Variants in PPHLN1 observed in about 807,000 individuals in gnomAD.
PPHLN1 encodes periphilin-1.
PPHLN1 carries 29 observed loss-of-function variants against 51.3 expected under a neutral mutation model. That is an observed-to-expected ratio of 0.57 (90% CI 0.42 to 0.77). The LOEUF is 0.77. PPHLN1 is among the 30% of genes least tolerant of loss of function. The pLI, the probability that PPHLN1 is intolerant of heterozygous loss-of-function variation, is 0.00. For synonymous variants in PPHLN1, 147 were observed against 147.8 expected (o/e 0.99, Z 0.04); for missense variants, 436 against 438.4 (o/e 0.99, Z 0.05).
chr12:42,397,551 G>A (rs940848141), intron 8 of PPHLN1, among the ~76,000 whole-genome samples: 2 of 129,242 alleles, frequency 1.5e-5, no homozygotes, highest in African/African-American at 2.8e-5. Context: ...TTGTGTATAG[G>A]CCTATGTCTT....
intron 9 of PPHLN1, chr12:42,433,328 A>G (rs952052704): frequency 8.1e-5 from 46 of 568,750 alleles, no homozygotes; most frequent in Middle Eastern, 3.3e-4. Context: ...CTGGTTGCCA[A>G]TTATTTTCAA....
At chr12:42,446,049 A>G (rs1464466716), downstream of PPHLN1, 1 of 1,549,708 alleles carries the variant, frequency 6.5e-7, no homozygotes, top group Admixed American at 2.0e-5. Context: ...CCAGAAATGA[A>G]GGAAACGACC....
At chr12:42,387,392 A>G (rs780477091) in intron 6 of PPHLN1, 64 bp from the exon 7 acceptor site, 1 of 1,528,548 alleles carries the variant, frequency 6.5e-7, no homozygotes, top group Admixed American at 2.1e-5. Context: ...ATTCCATTAC[A>G]AAATTACTTT....
chr12:42,328,790 A>G (rs1328165768), intron 1 of PPHLN1, among the ~76,000 whole-genome samples: 2 of 151,994 alleles, frequency 1.3e-5, no homozygotes, highest in African/African-American at 2.4e-5. Flanking sequence ...GCTCACTGCA[A>G]CCTCCATCTC....
At chr12:42,395,572 C>T (rs147906221) in intron 8 of PPHLN1, among the ~76,000 whole-genome samples, 69 of 151,976 alleles carry the variant, frequency 4.5e-4, no homozygotes, top group African/African-American at 1.2e-3. Flanking sequence ...TTCAGTGGTC[C>T]GTGCTTTTTG....
chr12:42,429,621 G>A (rs778724030), intron 9 of PPHLN1, among the ~76,000 whole-genome samples: 1 of 152,164 alleles, frequency 6.6e-6, no homozygotes, highest in African/African-American at 2.4e-5. Context: ...TATTTTTAAT[G>A]TGTTGGTCTT....
rs1421107612 is a variant in PPHLN1, at chr12:42,398,892, G to A, written c.807G>A (p.Glu269=). 5 of 1,614,050 alleles carry A rather than the reference G, an allele frequency of 3.1e-6. No individual in the cohort carries two copies. The highest frequency in any genetic ancestry group is 3.3e-5 in the Admixed American group (2 of 60,022). The part of the protein sequence containing the change: ...STAPLFTDQP[E]EPESNTTHGI... ...CACCATTGTTTACTGACCAGCCAGA[G>A]GAACCTGAGTCAAACACAACACATG... The change falls in exon 9 of 10, where the codon GAG becomes GAA. Residue 269 remains glutamate, a synonymous_variant. Coordinates refer to ENST00000358314, the MANE Select transcript of PPHLN1 (RefSeq NM_201439.2).
chr12:42,443,732 A>G (rs1288323739), downstream of PPHLN1: 1 of 152,224 alleles, frequency 6.6e-6, no homozygotes, highest in Non-Finnish European at 1.5e-5. Context: ...CTTACAAGCT[A>G]TCAATGCTAA....
chr12:42,426,947 C>T (rs956947000), intron 9 of PPHLN1, among the ~76,000 whole-genome samples: 4 of 152,150 alleles, frequency 2.6e-5, no homozygotes, highest in South Asian at 4.1e-4. Context: ...AGCTGCTTCC[C>T]GCTTAGTCAT....
intron 2 of PPHLN1, among the ~76,000 whole-genome samples, chr12:42,338,316 T>C (rs1005689497): frequency 6.6e-6 from 1 of 152,206 alleles, no homozygotes; most frequent in Non-Finnish European, 1.5e-5. Context: ...GTCTGTAGGA[T>C]TGTGTGCTTT....
chr12:42,399,163 G>C, intron 9 of PPHLN1, 169 bp downstream of exon 9: 9 of 1,358,370 alleles, frequency 6.6e-6, no homozygotes, highest in Non-Finnish European at 8.5e-6. Context: ...AGTTTGATCA[G>C]TATGGTCCCC....
intron 9 of PPHLN1, among the ~76,000 whole-genome samples, chr12:42,425,185 T>G (rs1461997161): frequency 6.6e-6 from 1 of 150,984 alleles, no homozygotes; most frequent in African/African-American, 2.4e-5. Context: ...GTTCAAGCAA[T>G]TCTCCCACCT....
chr12:42,355,200 G>A lies in PPHLN1; in HGVS notation c.277G>A (p.Ala93Thr). Reference sequence around the variant, plus strand: ...TAGATGGACAAGAGACGATCATTCTGCAAGCAGGCAACCTGAATACAGGTA... The same window carrying A: ...TAGATGGACAAGAGACGATCATTCTACAAGCAGGCAACCTGAATACAGGTA... ...GYRWTRDDHS[A>T]SRQPEYRDMR... Residue 93 changes from alanine (A) to threonine (T), a missense_variant, in exon 4 of 10, where the codon GCA becomes ACA. Transcript: ENST00000358314. 2.5e-6 allele frequency: 4 copies of A among 1,613,612 alleles called. No individual in the cohort carries two copies. Among genetic ancestry groups the A allele is most frequent in the Non-Finnish European group, 3.4e-6 (4 of 1,179,730 alleles).
chr12:42,405,067 G>A (rs2079173347), intron 9 of PPHLN1, among the ~76,000 whole-genome samples: 1 of 152,038 alleles, frequency 6.6e-6, no homozygotes, highest in Admixed American at 6.6e-5. Context: ...CTTATTTTGG[G>A]GGACTTTGTG....
At chr12:42,443,049 T>C (rs2083090199), downstream of PPHLN1, 1 of 278,210 alleles carries the variant, frequency 3.6e-6, no homozygotes, top group Admixed American at 4.5e-5. Context: ...TTTAACGTTA[T>C]GGGCCTTAGT....
At chr12:42,340,143 C>T (rs1425219808) in intron 2 of PPHLN1, among the ~76,000 whole-genome samples, 1 of 151,436 alleles carries the variant, frequency 6.6e-6, no homozygotes, top group African/African-American at 2.4e-5. Context: ...CCTGTCTCTA[C>T]AAAAAATTTT....
chr12:42,356,844 C>T (rs2074095657), intron 4 of PPHLN1, among the ~76,000 whole-genome samples: 2 of 151,932 alleles, frequency 1.3e-5, no homozygotes, highest in South Asian at 4.2e-4. Context: ...ACAATGCCTA[C>T]AGTAAAGCGA....
chr12:42,437,060 C>G (rs1488436512), intron 9 of PPHLN1, among the ~76,000 whole-genome samples: 2 of 152,116 alleles, frequency 1.3e-5, no homozygotes, highest in Non-Finnish European at 2.9e-5. Context: ...TTTTCTCTTC[C>G]TGATACATCC....
chr12:42,426,226 A>ACACACACCCT (rs1245875011), intron 9 of PPHLN1, among the ~76,000 whole-genome samples: 1 of 123,110 alleles, frequency 8.1e-6, no homozygotes, highest in Non-Finnish European at 1.7e-5. Context: ...ACACACACAC[A>ACACACACCCT]CACCCTCATG....
Sources: allele counts gnomAD v4.1 joint callset (sites outside exome capture counted in the v4.1 genomes callset), GRCh38; gene constraint gnomAD v4.1.1; transcripts MANE v1.5; gene names NCBI Gene and HGNC (gene_info 2026-07-23, HGNC 2026-07-21).